EPHB2: variants seen among roughly 807,000 people sequenced by gnomAD.
The protein encoded by EPHB2 is ephrin type-B receptor 2.
A neutral mutation model predicts 96.4 loss-of-function variants in EPHB2; 18 were observed. That is an observed-to-expected ratio of 0.19 (90% CI 0.13 to 0.28). EPHB2 has a LOEUF of 0.28. Ranked by LOEUF, EPHB2 falls within the 10% of genes least tolerant of loss-of-function variation. The probability of loss-of-function intolerance (pLI) is 1.00; values close to 1 mark genes in which losing one functional copy is unlikely to be tolerated. For synonymous variants in EPHB2, 506 were observed against 534.1 expected, an observed-to-expected ratio of 0.95 and a Z score of 0.72; for missense variants, 989 against 1,355.4, an observed-to-expected ratio of 0.73 and a Z score of 4.25.
intron 3 of EPHB2, among the ~76,000 whole-genome samples, chr1:22,852,891 G>A (rs80207555): frequency 0.035 from 5,298 of 152,346 alleles, 131 homozygotes; most frequent in Non-Finnish European, 0.053. Context: ...CTGGTAGGAG[G>A]AGGGGAGATG....
chr1:22,743,294 C>T (rs1386900181), intron 1 of EPHB2, among the ~76,000 whole-genome samples: 2 of 152,128 alleles, frequency 1.3e-5, no homozygotes, highest in Admixed American at 6.6e-5. Context: ...TGATGCCGCC[C>T]GTACACCTGA....
intron 5 of EPHB2, among the ~76,000 whole-genome samples, chr1:22,881,102 C>T (rs571390723): frequency 1.3e-5 from 2 of 152,122 alleles, no homozygotes; most frequent in South Asian, 2.1e-4. Context: ...GGCGAAACCC[C>T]GCCTCTACAA....
intron 9 of EPHB2, among the ~76,000 whole-genome samples, chr1:22,904,922 C>A (rs1454384148): frequency 6.6e-6 from 1 of 152,190 alleles, no homozygotes; most frequent in Non-Finnish European, 1.5e-5. Context: ...TATGGTGACC[C>A]AAGGATTTCA....
chr1:22,894,396 G>A (rs1338431820), intron 7 of EPHB2, among the ~76,000 whole-genome samples: 1 of 152,054 alleles, frequency 6.6e-6, no homozygotes, highest in Non-Finnish European at 1.5e-5. Flanking sequence ...TCAGGAGTTC[G>A]AGACCAGCCT....
In EPHB2 at chr1:22,864,940, G is replaced by A; in HGVS notation, c.1031G>A (p.Trp344Ter). ...SVNETSLMLEWTPPRDSGGRE... is the reference protein window; with the variant it reads ...SVNETSLMLE ...AATGAGACCTCCCTCATGCTGGAGT[G>A]GACCCCTCCCCGCGACTCCGGAGGC... Residue 344 changes from tryptophan (W) to a stop codon, truncating the protein, a stop_gained, in exon 5 of 16, where the codon TGG becomes TAG. Coordinates refer to ENST00000374630, the MANE Select transcript of EPHB2 (RefSeq NM_017449.5). LOFTEE classifies it high-confidence loss of function. 6.2e-7 allele frequency: 1 copy of A among 1,605,016 alleles called. No homozygotes were observed. The highest frequency in any genetic ancestry group is 8.5e-7 in the Non-Finnish European group (1 of 1,175,050).
At chr1:22,835,466 A>G (rs2148491085) in intron 3 of EPHB2, among the ~76,000 whole-genome samples, 1 of 152,376 alleles carries the variant, frequency 6.6e-6, no homozygotes, top group South Asian at 2.1e-4. Context: ...AGACACACAG[A>G]CATGCACATA....
intron 1 of EPHB2, among the ~76,000 whole-genome samples, chr1:22,718,379 C>CTTTTT (rs5773014): frequency 3.7e-5 from 3 of 81,466 alleles, no homozygotes; most frequent in African/African-American, 8.7e-5. Flanking sequence ...GCTGTCAATT[C>CTTTTT]TTTTTTTTTT....
chr1:22,849,747 A>ATT (rs1645597078), intron 3 of EPHB2, among the ~76,000 whole-genome samples: 1 of 152,012 alleles, frequency 6.6e-6, no homozygotes, highest in African/African-American at 2.4e-5. Context: ...ATTGAATGGT[A>ATT]TTGCCTCTTG....
chr1:22,781,242 C>A (rs570127311), intron 1 of EPHB2, among the ~76,000 whole-genome samples, 179 bp from the exon 2 acceptor site: 2 of 148,988 alleles, frequency 1.3e-5, no homozygotes, highest in Non-Finnish European at 1.5e-5. Context: ...ATGGCCTGAA[C>A]GTGGGAGGCG....
At chr1:22,847,650 G>T (rs1388236719) in intron 3 of EPHB2, among the ~76,000 whole-genome samples, 2 of 152,190 alleles carry the variant, frequency 1.3e-5, no homozygotes, top group Non-Finnish European at 2.9e-5. Flanking sequence ...CCAGGGCTAT[G>T]TGGCCATTTG....
intron 3 of EPHB2, among the ~76,000 whole-genome samples, chr1:22,788,762 T>G (rs1212988647): frequency 1.7e-4 from 26 of 151,064 alleles, no homozygotes; most frequent in African/African-American, 3.2e-4. Context: ...TGTTTTTTTT[T>G]TTTTTTTTTT....
intron 6 of EPHB2, among the ~76,000 whole-genome samples, chr1:22,887,443 G>GC (rs1435234907): frequency 2.0e-5 from 3 of 152,132 alleles, no homozygotes; most frequent in African/African-American, 7.2e-5. Flanking sequence ...GGCCTGTGTG[G>GC]CCCCCACCTC....
intron 1 of EPHB2, among the ~76,000 whole-genome samples, chr1:22,754,267 A>C (rs1384092365): frequency 6.6e-6 from 1 of 152,222 alleles, no homozygotes; most frequent in Non-Finnish European, 1.5e-5. Context: ...TGTCAGTCTC[A>C]ATTTCTACCA....
At chr1:22,772,304 C>T (rs1470825219) in intron 1 of EPHB2, among the ~76,000 whole-genome samples, 2 of 152,158 alleles carry the variant, frequency 1.3e-5, no homozygotes, top group Non-Finnish European at 2.9e-5. Flanking sequence ...GAGCTGGCGT[C>T]ACAGGGACTC....
chr1:22,800,409 C>T (rs1026302231), intron 3 of EPHB2: 2 of 152,192 alleles, frequency 1.3e-5, no homozygotes, highest in African/African-American at 4.8e-5. Context: ...CCTGACCTGC[C>T]CCAGCATATG....
Position 22,865,071 on chromosome 1 carries a change from C to G in EPHB2, c.1162C>G (p.Leu388Val), listed in dbSNP as rs1235258442. ...ACAGTACGCACCACGCCAGCTAGGC[C>G]TGACCGAGCCACGCATTTACATCAG... ...NVQYAPRQLG[L>V]TEPRIYISDL... is the part of the protein sequence containing the mutation. The change falls in exon 5 of 16, where the codon CTG becomes GTG. Residue 388 changes from leucine (L) to valine (V), a missense_variant. Physicochemically the swap from Leu to Val is conservative, Grantham distance 32 (BLOSUM62 1). Transcript: ENST00000374630. 6.2e-7 allele frequency: 1 copy of G among 1,614,242 alleles called. No individual in the cohort carries two copies. The highest frequency in any genetic ancestry group is 8.5e-7 in the Non-Finnish European group (1 of 1,180,050).
At chr1:22,802,825 C>T (rs1443881320) in intron 3 of EPHB2, among the ~76,000 whole-genome samples, 1 of 152,156 alleles carries the variant, frequency 6.6e-6, no homozygotes, top group Non-Finnish European at 1.5e-5. Flanking sequence ...ATGCCCCTGC[C>T]CCTCTAGAAA....
At chr1:22,732,741 A>T (rs1016451149) in intron 1 of EPHB2, among the ~76,000 whole-genome samples, 1 of 152,198 alleles carries the variant, frequency 6.6e-6, no homozygotes, top group Non-Finnish European at 1.5e-5. Context: ...TCTGCAGCTT[A>T]CAAGGCGCGC....
In EPHB2 at chr1:22,910,371, C is replaced by T; in HGVS notation, c.2503-11C>T. On this transcript the variant is annotated splice_polypyrimidine_tract_variant and intron_variant, in intron 13 of 15. Coordinates refer to ENST00000374630, the MANE Select transcript of EPHB2 (RefSeq NM_017449.5). Reference sequence around the variant, plus strand: ...TCCACCCAACCCCACTGCACTCCTGCATTGTCCCAGGTAATCAATGCCATT... The same window carrying T: ...TCCACCCAACCCCACTGCACTCCTGTATTGTCCCAGGTAATCAATGCCATT... The T allele has an allele frequency of 6.2e-7, 1 of 1,614,214 alleles. No homozygotes were observed. The highest frequency in any genetic ancestry group is 1.3e-5 in the African/African-American group (1 of 75,052).
Sources: gnomAD v4.1 joint callset for allele counts (sites outside exome capture counted in the v4.1 genomes callset) on GRCh38, gnomAD v4.1.1 for gene constraint, MANE v1.5 for transcripts, NCBI Gene and HGNC (gene_info 2026-07-23, HGNC 2026-07-21) for gene names.